TTC39B: variants seen among roughly 807,000 people sequenced by gnomAD.
TTC39B encodes the protein tetratricopeptide repeat protein 39B.
A neutral mutation model predicts 96.6 loss-of-function variants in TTC39B; 92 were observed. The ratio of observed to expected loss-of-function variants is 0.95; its 90% CI spans 0.80 to 1.13. The LOEUF (loss-of-function observed/expected upper bound fraction) is 1.13. Ranked by LOEUF, TTC39B falls within the 50% of genes most tolerant of loss-of-function variation. TTC39B has a pLI of 0.00. For synonymous variants in TTC39B, 367 were observed against 299.4 expected, an observed-to-expected ratio of 1.23 and a Z score of -2.33; for missense variants, 955 against 809.3, an observed-to-expected ratio of 1.18 and a Z score of -2.18.
chr9:15,168,007 T>C (rs1278253064), exon 20 of TTC39B: 1 of 152,126 alleles, frequency 6.6e-6, no homozygotes, highest in Non-Finnish European at 1.5e-5. Context: ...GCACTTTAAA[T>C]AGAAAAAGCA....
intron 2 of TTC39B, among the ~76,000 whole-genome samples, chr9:15,246,325 C>A (rs1171398990): frequency 6.6e-6 from 1 of 151,592 alleles, no homozygotes; most frequent in African/African-American, 2.4e-5. Context: ...TGATGTTAGT[C>A]TGCAGAGGGG....
rs377163110 is a variant in TTC39B at position 15,222,611 on chromosome 9, A to C, written c.371+3306T>G. Among the ~76,000 whole-genome samples, 22 of 152,268 alleles carry C rather than the reference A, an allele frequency of 1.4e-4. No individual in the cohort carries two copies. In the South Asian group the frequency reaches 4.4e-3, roughly 30 times the overall value. ...GGAACTCAGTCTCCGGAGCAGCCAG[A>C]ACTCCCTGTGTAATTCTGGGATTTC... On this transcript the variant is annotated intron_variant, in intron 3 of 19. Coordinates refer to ENST00000512701, the Ensembl canonical transcript of TTC39B.
intron 1 of TTC39B, among the ~76,000 whole-genome samples, chr9:15,287,538 T>C (rs1309666170): frequency 5.3e-5 from 8 of 152,338 alleles, no homozygotes; most frequent in African/African-American, 2.4e-5. Context: ...TCTATTGCCA[T>C]GTGGTACTCG....
chr9:15,196,784 A>G (rs2131288612), intron 8 of TTC39B, among the ~76,000 whole-genome samples: 1 of 152,354 alleles, frequency 6.6e-6, no homozygotes, highest in Non-Finnish European at 1.5e-5. Context: ...CTCTGAAAGA[A>G]GTTCTCCTGT....
At chr9:15,238,978 C>G (rs908766889) in intron 2 of TTC39B, among the ~76,000 whole-genome samples, 1 of 152,122 alleles carries the variant, frequency 6.6e-6, no homozygotes, top group Non-Finnish European at 1.5e-5. Context: ...GAGTGAGACC[C>G]TGTCTCAAAA....
chr9:15,232,798 G>A (rs2131433029), intron 2 of TTC39B, among the ~76,000 whole-genome samples: 1 of 152,322 alleles, frequency 6.6e-6, no homozygotes, highest in African/African-American at 2.4e-5. Context: ...CTCAAACCTT[G>A]GCTAACGGCG....
At chr9:15,250,188 A>C in intron 2 of TTC39B, 1 of 1,184,648 alleles carries the variant, frequency 8.4e-7, no homozygotes, top group Non-Finnish European at 1.1e-6. Context: ...TTAAAGTGGC[A>C]GCTACACTCA....
At chr9:15,277,749 C>T (rs958383340) in intron 1 of TTC39B, among the ~76,000 whole-genome samples, 5 of 152,208 alleles carry the variant, frequency 3.3e-5, no homozygotes, top group Non-Finnish European at 7.3e-5. Context: ...ACAGTGTTCG[C>T]CCATCACAAA....
chr9:15,184,507 A>G (rs1479134250), intron 16 of TTC39B, among the ~76,000 whole-genome samples: 4 of 152,026 alleles, frequency 2.6e-5, no homozygotes, highest in African/African-American at 4.8e-5. Flanking sequence ...CTGACTATCT[A>G]TATAAAAACT....
chr9:15,186,925 G>T lies in TTC39B; in HGVS notation c.1487+19C>A, dbSNP rs369825488. 1.0e-5 allele frequency: 16 copies of T among 1,607,308 alleles called. No homozygotes were observed. The highest frequency in any genetic ancestry group is 1.2e-5 in the Non-Finnish European group (14 of 1,174,442). ...TTATACCCTCAGAGCCTTTGTTATA[G>T]GAATAGTGTCTCACATACCTGAATA... On this transcript the variant is annotated intron_variant, in intron 15 of 19. Transcript: ENST00000512701.
intron 3 of TTC39B, among the ~76,000 whole-genome samples, chr9:15,220,222 C>T (rs1284253805): frequency 1.3e-5 from 2 of 152,092 alleles, no homozygotes; most frequent in African/African-American, 2.4e-5. Flanking sequence ...CTCCAGACCT[C>T]CCTGCCCTCA....
Position 15,224,255 on chromosome 9 carries a change from T to G in TTC39B, c.371+1662A>C, listed in dbSNP as rs528359573. ...CTAAAGGTCTCCAATGACCTAACTA[T>G]GAAATGCAAAGGATACTTTTCCACC... On this transcript the variant is annotated intron_variant, in intron 3 of 19. Transcript: ENST00000512701. The G allele has an allele frequency of 2.6e-5, 4 of 152,400 alleles. No individual in the cohort carries two copies. The South Asian group carries it at 6.2e-4, about 24-fold the overall frequency. The allele number at this position is 152,400 out of a possible 1,614,324, so 9.4% of individuals were successfully genotyped here.
intron 2 of TTC39B, among the ~76,000 whole-genome samples, chr9:15,235,292 G>C (rs1342248449): frequency 6.6e-6 from 1 of 152,056 alleles, no homozygotes; most frequent in Non-Finnish European, 1.5e-5. Context: ...AATGAACAAA[G>C]CATTTCAGAC....
intron 2 of TTC39B, among the ~76,000 whole-genome samples, chr9:15,242,956 C>A: frequency 6.6e-6 from 1 of 152,194 alleles, no homozygotes; most frequent in East Asian, 1.9e-4. Context: ...TCTCAGGAAC[C>A]TGTGGGCCAA....
intron 16 of TTC39B, among the ~76,000 whole-genome samples, chr9:15,184,378 T>A (rs1239044046): frequency 6.8e-6 from 1 of 146,894 alleles, no homozygotes; most frequent in Non-Finnish European, 1.5e-5. Flanking sequence ...TGGAAAAATC[T>A]AAATAACTGT....
At chr9:15,282,708 G>A (rs188027652) in intron 1 of TTC39B, among the ~76,000 whole-genome samples, 142 of 152,204 alleles carry the variant, frequency 9.3e-4, no homozygotes, top group Non-Finnish European at 1.5e-3. Context: ...AAAACCCTCG[G>A]TAGTGGCTTC....
exon 20 of TTC39B, chr9:15,165,789 C>T (rs979013864): frequency 2.0e-5 from 3 of 152,356 alleles, no homozygotes; most frequent in South Asian, 2.1e-4. Context: ...ATTCAGTCAC[C>T]TCCCACTGGG....
At chr9:15,226,102 C>A in intron 2 of TTC39B, 90 bp from the exon 3 acceptor site, 1 of 1,073,060 alleles carries the variant, frequency 9.3e-7, no homozygotes, top group Non-Finnish European at 1.3e-6. Context: ...ATAAGTCTTC[C>A]AATTATTTTT....
At chr9:15,280,529 A>G (rs1394521466) in intron 1 of TTC39B, among the ~76,000 whole-genome samples, 1 of 152,242 alleles carries the variant, frequency 6.6e-6, no homozygotes, top group Non-Finnish European at 1.5e-5. Context: ...AATTCAAGGG[A>G]GAAATAACAC....
Sources: allele counts gnomAD v4.1 joint callset (sites outside exome capture counted in the v4.1 genomes callset), GRCh38; gene constraint gnomAD v4.1.1; transcripts MANE v1.5; gene names NCBI Gene and HGNC (gene_info 2026-07-23, HGNC 2026-07-21).